The following PRRC2C variants were observed in gnomAD, a reference collection of about 807,000 sequenced individuals.
PRRC2C encodes proline rich coiled-coil 2C.
PRRC2C carries 72 observed loss-of-function variants against 317.2 expected under a neutral mutation model. The ratio of observed to expected loss-of-function variants is 0.23; its 90% CI spans 0.19 to 0.28. The LOEUF is 0.28. PRRC2C is among the 10% of genes least tolerant of loss of function. PRRC2C has a pLI of 1.00. For missense variants in PRRC2C, 3,074 were observed against 3,459.7 expected (o/e 0.89, Z 2.80); for synonymous variants, 1,296 against 1,205.9 (o/e 1.07, Z -1.55).
At chr1:171,497,772 A>G (rs1389837335) in intron 1 of PRRC2C, among the ~76,000 whole-genome samples, 1 of 151,878 alleles carries the variant, frequency 6.6e-6, no homozygotes, top group Non-Finnish European at 1.5e-5. Context: ...CGTGGCCCTA[A>G]TCGGGTATTT....
At position 171,550,079 on chromosome 1, in the gene PRRC2C, C is replaced by A; in HGVS notation, c.4973-7C>A. 1 of 1,581,750 alleles carries A rather than the reference C, an allele frequency of 6.3e-7. No homozygotes were observed. The highest frequency in any genetic ancestry group is 8.6e-7 in the Non-Finnish European group (1 of 1,165,334). ...AAAATATCTTAAATCCTTTCCCACA[C>A]CCACAGGTGTTGTTATAATTGATGA... On this transcript the variant is annotated splice_polypyrimidine_tract_variant and splice_region_variant and intron_variant, in intron 17 of 34. Transcript: ENST00000647382.
Position 171,578,529 on chromosome 1 carries a change from C to T in PRRC2C, c.7160-825C>T, listed in dbSNP as rs765629834. 8.6e-5 allele frequency among the ~76,000 whole-genome samples: 13 copies of T among 151,414 alleles called. No individual in the cohort carries two copies. The East Asian group carries it at 9.8e-4, about 11-fold the overall frequency. On this transcript the variant is annotated intron_variant, in intron 26 of 34. Transcript: ENST00000647382. The stretch of plus-strand genomic sequence containing the variant: ...AGCCTGGCGGAGTGAGGCCCTGTCT[C>T]GTCGTAATAATATGTGGAGTTCTGC...
intron 24 of PRRC2C, among the ~76,000 whole-genome samples, chr1:171,571,965 AAG>A (rs1314716471): frequency 1.3e-5 from 2 of 152,110 alleles, no homozygotes; most frequent in Non-Finnish European, 2.9e-5. Context: ...AAGAGGACAA[AAG>A]AGATTCAGCG....
At position 171,566,652 on chromosome 1, in the gene PRRC2C, C is replaced by T. The variant is rs1468860654; in HGVS notation, c.6367C>T (p.Arg2123Cys). Residue 2123 changes from arginine (R) to cysteine (C), a missense_variant, in exon 22 of 35, where the codon CGT (arginine) becomes TGT (cysteine). By Grantham distance (180) the Arg-to-Cys change is radical. Around this residue, in one of 11 missense-constraint regions of PRRC2C, gnomAD observed 640 missense variants for 676.1 expected, o/e 0.95. Coordinates refer to ENST00000647382, the MANE Select transcript of PRRC2C (RefSeq NM_001387844.1). ...EHKPGPIGKE[R>C]SLKNRKVKDA... Reference sequence around the variant, plus strand: ...CAAACCTGGTCCCATTGGAAAGGAACGTTCATTAAAAAATAGAAAAGTAAA... The same window carrying T: ...CAAACCTGGTCCCATTGGAAAGGAATGTTCATTAAAAAATAGAAAAGTAAA... 3 of 1,607,566 alleles carry T rather than the reference C, an allele frequency of 1.9e-6. No homozygotes were observed. The highest frequency in any genetic ancestry group is 1.1e-5 in the South Asian group (1 of 90,114).
At chr1:171,538,185 A>C (rs1677218812) in intron 15 of PRRC2C, among the ~76,000 whole-genome samples, 1 of 152,150 alleles carries the variant, frequency 6.6e-6, no homozygotes, top group Non-Finnish European at 1.5e-5. Flanking sequence ...CGTGTTGCCC[A>C]GGCTGGTCTT....
At chr1:171,525,644 G>A (rs115401114) in intron 10 of PRRC2C, among the ~76,000 whole-genome samples, 2,227 of 152,308 alleles carry the variant, frequency 0.015, 57 homozygotes, top group African/African-American at 0.051. Flanking sequence ...AGGAAAAAAA[G>A]TCAGTAAGCA....
chr1:171,584,648 A>C lies in PRRC2C; in HGVS notation c.7749+122A>C, dbSNP rs1649438685. ...ATGGAGGATGGTTTTTAAACTGTTC[A>C]CTGAGATGTCCTGAAGAATTCCACT... On this transcript the variant is annotated intron_variant, in intron 30 of 34. Coordinates refer to ENST00000647382, the MANE Select transcript of PRRC2C (RefSeq NM_001387844.1). 8 of 1,168,402 alleles carry C rather than the reference A, an allele frequency of 6.8e-6. No homozygotes were observed. The South Asian group carries it at 1.4e-4, about 20-fold the overall frequency. The allele number at this position is 1,168,402 out of a possible 1,614,324, so 72.4% of individuals were successfully genotyped here.
intron 14 of PRRC2C, among the ~76,000 whole-genome samples, chr1:171,536,524 T>C (rs1676865323): frequency 6.6e-6 from 1 of 152,266 alleles, no homozygotes; most frequent in African/African-American, 2.4e-5. Context: ...GAAATAATTA[T>C]GTGTTATTAA....
At chr1:171,497,511 G>C (rs1229094375) in intron 1 of PRRC2C, among the ~76,000 whole-genome samples, 1 of 151,936 alleles carries the variant, frequency 6.6e-6, no homozygotes, top group African/African-American at 2.4e-5. Context: ...TCTGTCTATT[G>C]CCGAGGCTGT....
At chr1:171,531,125 T>C (rs1431193918) in intron 11 of PRRC2C, among the ~76,000 whole-genome samples, 6 of 152,150 alleles carry the variant, frequency 3.9e-5, no homozygotes, top group Non-Finnish European at 8.8e-5. Context: ...AAAGAGAATA[T>C]AATTTTATAC....
At chr1:171,488,833 A>C (rs1238115943) in intron 1 of PRRC2C, among the ~76,000 whole-genome samples, 1 of 152,136 alleles carries the variant, frequency 6.6e-6, no homozygotes, top group Non-Finnish European at 1.5e-5. Flanking sequence ...ATTGTAATGA[A>C]ATTATTATGT....
chr1:171,584,345 A>G, intron 29 of PRRC2C, 74 bp from the exon 30 acceptor site: 1 of 1,412,686 alleles, frequency 7.1e-7, no homozygotes, highest in South Asian at 1.4e-5. Context: ...CATTGCTTTG[A>G]AGTCATAATC....
chr1:171,496,676 C>T (rs1177187954), intron 1 of PRRC2C, among the ~76,000 whole-genome samples: 1 of 152,072 alleles, frequency 6.6e-6, no homozygotes, highest in East Asian at 1.9e-4. Context: ...CTGTCTAAAC[C>T]CTGTCATCAC....
chr1:171,518,960 G>A (rs1673033434), intron 6 of PRRC2C, among the ~76,000 whole-genome samples: 1 of 149,546 alleles, frequency 6.7e-6, no homozygotes, highest in Non-Finnish European at 1.5e-5. Context: ...TCGGCTCACT[G>A]CAACCTCTGC....
rs1443130309 is a variant in PRRC2C, at chr1:171,579,808, ACTTTCTCAATG to A, written c.7273-18_7273-8del. The A allele has an allele frequency of 6.6e-7, 1 of 1,521,288 alleles. No homozygotes were observed. The allele number at this position is 1,521,288 out of a possible 1,614,324, so 94.2% of individuals were successfully genotyped here. A position where few individuals can be genotyped will look rare whatever the true frequency, so the allele number is the denominator to read the frequency against. ...ATGATGTTGATATATATGTTTACAT[ACTTTCTCAATG>A]CATTGCAGCCAACTTCAGTTCAGCA... is the stretch of plus-strand genomic sequence containing the variant. On this transcript the variant is annotated splice_polypyrimidine_tract_variant and intron_variant, in intron 27 of 34. Transcript: ENST00000647382.
At chr1:171,561,840 T>TG (rs1326271782) in intron 20 of PRRC2C, among the ~76,000 whole-genome samples, 9 of 152,292 alleles carry the variant, frequency 5.9e-5, no homozygotes, top group Admixed American at 1.3e-4. Flanking sequence ...AAATGACTGT[T>TG]GGGGGTCAGT....
At chr1:171,532,198 C>A in intron 11 of PRRC2C, 145 bp from the exon 12 acceptor site, 1 of 819,324 alleles carries the variant, frequency 1.2e-6, no homozygotes, top group Non-Finnish European at 1.8e-6. Flanking sequence ...AATATATTTC[C>A]CATCTTATGT....
At chr1:171,556,795 C>T (rs186573392) in intron 18 of PRRC2C, among the ~76,000 whole-genome samples, 8 of 152,238 alleles carry the variant, frequency 5.3e-5, no homozygotes, top group Non-Finnish European at 7.4e-5. Context: ...CATTTAATTG[C>T]CTATAACCTT....
At chr1:171,536,007 A>G in intron 13 of PRRC2C, 22 bp from the exon 14 acceptor site, 1 of 1,551,824 alleles carries the variant, frequency 6.4e-7, no homozygotes. Flanking sequence ...AACTCTCAAG[A>G]TATGGGATCT....
Sources: gnomAD v4.1 joint callset for allele counts (sites outside exome capture counted in the v4.1 genomes callset) on GRCh38, gnomAD v4.1.1 for gene constraint, gnomAD v4.1.1 regional missense constraint, MANE v1.5 for transcripts, NCBI Gene and HGNC (gene_info 2026-07-23, HGNC 2026-07-21) for gene names.